The following FGD4 variants were observed in gnomAD, a reference collection of about 807,000 sequenced individuals.
FGD4 encodes the protein FYVE, RhoGEF and PH domain containing 4.
In FGD4, 42 loss-of-function variants were observed where a neutral mutation model predicts 102.0. The ratio of observed to expected loss-of-function variants is 0.41; its 90% CI spans 0.32 to 0.53. The LOEUF is 0.53. FGD4 is among the 20% of genes least tolerant of loss of function. The pLI, the probability that FGD4 is intolerant of heterozygous loss-of-function variation, is 0.21. For synonymous variants in FGD4, 380 were observed against 375.7 expected, an observed-to-expected ratio of 1.01 and a Z score of -0.13; for missense variants, 902 against 1,078.2, an observed-to-expected ratio of 0.84 and a Z score of 2.29.
At chr12:32,546,030 CTG>C (rs1222107365) in intron 1 of FGD4, among the ~76,000 whole-genome samples, 3 of 152,124 alleles carry the variant, frequency 2.0e-5, no homozygotes, top group Non-Finnish European at 4.4e-5. Context: ...TTATGATACA[CTG>C]TCTTTATTTT....
chr12:32,613,551 A>T (rs1450164224), intron 10 of FGD4, among the ~76,000 whole-genome samples: 1 of 152,134 alleles, frequency 6.6e-6, no homozygotes, highest in Non-Finnish European at 1.5e-5. Flanking sequence ...TTAGGAGTTC[A>T]AGACCAACCT....
chr12:32,403,585 C>T lies in FGD4; in HGVS notation c.166+3626C>T, dbSNP rs566312393. On this transcript the variant is annotated intron_variant, in intron 1 of 16. Transcript: ENST00000534526. Reference sequence around the variant, plus strand: ...AGCTACTGCACTCCAGCCTGAGCAACGCAGCAAAACTCCATCTTTTTTTTT... The same window carrying T: ...AGCTACTGCACTCCAGCCTGAGCAATGCAGCAAAACTCCATCTTTTTTTTT... Among the ~76,000 whole-genome samples, 444 of 141,986 alleles carry T rather than the reference C, an allele frequency of 3.1e-3. 2 individuals carry two copies. Among genetic ancestry groups the T allele is most frequent in the African/African-American group, 0.012 (423 of 36,638 alleles). The allele number at this position is 141,986 out of a possible 152,430, so 93.1% of individuals were successfully genotyped here. A position where few individuals can be genotyped will look rare whatever the true frequency, so the allele number is the denominator to read the frequency against.
chr12:32,399,926 G>A lies in FGD4; in HGVS notation c.133G>A (p.Ala45Thr). ...GCACCTGGGACGTGTAGGGACCGCT[G>A]CCTTCAAGGGCCAGGTGCCCTCAGG... ...ASHLGRVGTA[A>T]FKGQVPSGAT... is the part of the protein sequence containing the mutation. The change falls in exon 1 of 17, where the codon GCC becomes ACC. Residue 45 changes from alanine to threonine, a missense_variant. Transcript: ENST00000534526. 3 of 1,513,570 alleles carry A rather than the reference G, an allele frequency of 2.0e-6. No individual in the cohort carries two copies. Among genetic ancestry groups the A allele is most frequent in the African/African-American group, 1.4e-5 (1 of 70,098 alleles). 93.8% of individuals were successfully genotyped at this position (1,513,570 alleles called of 1,614,324 possible).
At chr12:32,582,766 G>A in intron 4 of FGD4, 2 of 388,924 alleles carry the variant, frequency 5.1e-6, no homozygotes, top group Non-Finnish European at 9.4e-6. Flanking sequence ...GAAAGAAAAT[G>A]TTCCTTGTTG....
At chr12:32,636,950 A>G (rs1950864796) in intron 15 of FGD4, among the ~76,000 whole-genome samples, 1 of 149,852 alleles carries the variant, frequency 6.7e-6, no homozygotes. Flanking sequence ...AGCTCACTGC[A>G]ATCTCTGCCT....
intron 1 of FGD4, among the ~76,000 whole-genome samples, chr12:32,503,007 C>T (rs938720325): frequency 9.2e-5 from 14 of 152,126 alleles, no homozygotes; most frequent in African/African-American, 3.4e-4. Context: ...ATATTGTGAG[C>T]AGTAGAAGGA....
chr12:32,605,235 G>A (rs1029354786), intron 7 of FGD4, among the ~76,000 whole-genome samples: 4 of 152,042 alleles, frequency 2.6e-5, no homozygotes, highest in South Asian at 2.1e-4. Context: ...CACTGCACCC[G>A]GCCTATCAGC....
At chr12:32,502,473 A>G in intron 1 of FGD4, 1 of 406,798 alleles carries the variant, frequency 2.5e-6, no homozygotes, top group Non-Finnish European at 3.3e-6. Context: ...TCTTGTATTG[A>G]TTTTATGCAG....
At chr12:32,410,008 A>T (rs1326942567) in intron 1 of FGD4, among the ~76,000 whole-genome samples, 5 of 35,096 alleles carry the variant, frequency 1.4e-4, no homozygotes, top group African/African-American at 7.5e-4. Flanking sequence ...TTGTCTCTCA[A>T]AAAAAAAAAA....
intron 1 of FGD4, among the ~76,000 whole-genome samples, chr12:32,475,476 G>A (rs1943561048): frequency 6.6e-6 from 1 of 152,112 alleles, no homozygotes; most frequent in South Asian, 2.1e-4. Context: ...GGTTTAGTTG[G>A]TACTCAAAGC....
At chr12:32,423,995 A>G (rs1368751268) in intron 1 of FGD4, among the ~76,000 whole-genome samples, 1 of 151,918 alleles carries the variant, frequency 6.6e-6, no homozygotes, top group East Asian at 1.9e-4. Context: ...TTCTGTGCCT[A>G]GCTCATTTGA....
chr12:32,496,468 T>C (rs552545474), intron 1 of FGD4, among the ~76,000 whole-genome samples: 16 of 152,254 alleles, frequency 1.1e-4, no homozygotes, highest in East Asian at 1.9e-4. Flanking sequence ...TTAAAAGTCT[T>C]TATTTCTTAT....
At chr12:32,436,145 A>G (rs1475028730) in intron 1 of FGD4, among the ~76,000 whole-genome samples, 1 of 152,234 alleles carries the variant, frequency 6.6e-6, no homozygotes, top group Non-Finnish European at 1.5e-5. Context: ...TAGCCCTCCT[A>G]TTAGAATAAA....
intron 1 of FGD4, among the ~76,000 whole-genome samples, chr12:32,468,202 C>A (rs1416894149): frequency 6.6e-6 from 1 of 151,924 alleles, no homozygotes; most frequent in East Asian, 1.9e-4. Flanking sequence ...CCTCACTATG[C>A]CCAGCCACTG....
At chr12:32,583,978 A>G (rs548789691) in intron 4 of FGD4, among the ~76,000 whole-genome samples, 1 of 152,344 alleles carries the variant, frequency 6.6e-6, no homozygotes, top group South Asian at 2.1e-4. Flanking sequence ...AAATATTCTA[A>G]TTGGTGATGA....
chr12:32,484,725 A>G (rs191245628), intron 1 of FGD4, among the ~76,000 whole-genome samples: 141 of 152,208 alleles, frequency 9.3e-4, no homozygotes, highest in Non-Finnish European at 1.5e-3. Context: ...TACAAAAATT[A>G]GCCAGACGTG....
intron 2 of FGD4, among the ~76,000 whole-genome samples, chr12:32,574,219 G>C (rs778498917): frequency 1.3e-5 from 2 of 151,982 alleles, no homozygotes; most frequent in Non-Finnish European, 2.9e-5. Context: ...GTTTAAGTGA[G>C]TAAACTCTAG....
intron 1 of FGD4, among the ~76,000 whole-genome samples, chr12:32,417,747 T>C (rs1941475594): frequency 6.6e-6 from 1 of 152,060 alleles, no homozygotes. Flanking sequence ...GATGCATTCT[T>C]CAGTATGCCA....
chr12:32,485,286 A>G (rs1943862615), intron 1 of FGD4, among the ~76,000 whole-genome samples: 1 of 152,164 alleles, frequency 6.6e-6, no homozygotes, highest in Non-Finnish European at 1.5e-5. Flanking sequence ...GGTAACCCGC[A>G]TAACCATTCC....
Sources: gnomAD v4.1 joint callset for allele counts (sites outside exome capture counted in the v4.1 genomes callset) on GRCh38, gnomAD v4.1.1 for gene constraint, MANE v1.5 for transcripts, NCBI Gene and HGNC (gene_info 2026-07-23, HGNC 2026-07-21) for gene names.